The following CAMKK2 variants were observed in gnomAD, a reference collection of about 807,000 sequenced individuals.
CAMKK2 encodes the protein calcium/calmodulin-dependent protein kinase kinase 2.
In CAMKK2, 30 loss-of-function variants were observed where a neutral mutation model predicts 67.2. The ratio of observed to expected loss-of-function variants is 0.45; its 90% CI spans 0.33 to 0.61. CAMKK2 has a LOEUF of 0.61. CAMKK2 is among the 20% of genes least tolerant of loss of function. The probability of loss-of-function intolerance (pLI) is 0.02; values close to 1 mark genes in which losing one functional copy is unlikely to be tolerated. For synonymous variants in CAMKK2, 322 were observed against 326.2 expected, an observed-to-expected ratio of 0.99 and a Z score of 0.14; for missense variants, 643 against 802.0, an observed-to-expected ratio of 0.80 and a Z score of 2.39.
chr12:121,253,328 G>T lies in CAMKK2; in HGVS notation c.1052C>A (p.Pro351His). ...DALLSNTVGTPAFMAPESLSE... is the reference protein window; with the variant it reads ...DALLSNTVGTHAFMAPESLSE... ...GAGCGACTCGGGTGCCATGAAGGCG[G>T]GCGTGCCCACGGTGTTGGAGAGGAG... The change falls in exon 10 of 17, where the codon CCC (proline) becomes CAC (histidine). Residue 351 changes from proline to histidine, a missense_variant. By Grantham distance (77) the Pro-to-His change is moderately conservative (BLOSUM62 -2). This residue lies in a region of CAMKK2 where 483 missense variants were observed against 625.8 expected (regional missense o/e 0.77). Transcript: ENST00000404169. The surrounding 1 kb of genome is among the most constrained non-coding windows in gnomAD (Gnocchi z 5.0). The T allele has an allele frequency of 6.2e-7, 1 of 1,614,196 alleles. No individual in the cohort carries two copies. The highest frequency in any genetic ancestry group is 8.5e-7 in the Non-Finnish European group (1 of 1,180,046).
intron 5 of CAMKK2, among the ~76,000 whole-genome samples, chr12:121,267,340 C>T (rs1293327362): frequency 3.3e-5 from 5 of 151,540 alleles, no homozygotes; most frequent in Non-Finnish European, 7.4e-5. Context: ...TCTCAAACTC[C>T]TGACCTCGTG....
chr12:121,280,461 C>T (rs542871020), intron 1 of CAMKK2, among the ~76,000 whole-genome samples: 14 of 152,138 alleles, frequency 9.2e-5, no homozygotes, highest in Non-Finnish European at 1.5e-4. Context: ...ATCTGAGCAC[C>T]TTGAAAAAAG....
chr12:121,283,392 T>A (rs888207030), intron 1 of CAMKK2, among the ~76,000 whole-genome samples: 33 of 152,154 alleles, frequency 2.2e-4, no homozygotes, highest in African/African-American at 8.0e-4. Context: ...AGGCCCTCCC[T>A]TGTCAGATGG....
rs765683966 is a variant in CAMKK2, at chr12:121,245,473, C to T, written c.1453-233G>A. Among the ~76,000 whole-genome samples the T allele has an allele frequency of 1.3e-5, 2 of 152,214 alleles. No individual in the cohort carries two copies. Among genetic ancestry groups the T allele is most frequent in the Non-Finnish European group, 2.9e-5 (2 of 68,038 alleles). ...CACACCCTCAGCCACTGCTCAGCGT[C>T]TCTCCCAGGCCTCCCTGCTTTCCAC... On this transcript the variant is annotated intron_variant, in intron 14 of 16. Coordinates refer to ENST00000404169, the MANE Select transcript of CAMKK2 (RefSeq NM_001270485.2). This position sits in a 1 kb window ranked among gnomAD's most constrained non-coding sequence, Gnocchi z 5.8.
chr12:121,246,256 G>C (rs535529093), intron 14 of CAMKK2, among the ~76,000 whole-genome samples: 15 of 149,702 alleles, frequency 1.0e-4, no homozygotes, highest in South Asian at 4.4e-4. Context: ...GAAGGAGCGG[G>C]GGGGGGGAGG....
chr12:121,244,737 G>A (rs1482276369), intron 15 of CAMKK2, 122 bp from the exon 16 acceptor site: 3 of 796,498 alleles, frequency 3.8e-6, no homozygotes, highest in Non-Finnish European at 6.0e-6. Flanking sequence ...GCTGGAGCCA[G>A]GGTGGCGTTG....
At chr12:121,272,922 G>A (rs1283771377) in intron 2 of CAMKK2, among the ~76,000 whole-genome samples, 4 of 151,958 alleles carry the variant, frequency 2.6e-5, no homozygotes, top group Non-Finnish European at 5.9e-5. Flanking sequence ...CTGATGTTGG[G>A]TCTTCTTCCA....
rs34176100 is a variant in CAMKK2 at position 121,293,846 on chromosome 12, G to A, written c.-60+2792C>T. ...TTCTCCAGAACCCTCAGTGCCCTGT[G>A]CTCCTTCGATCACAACAGCACTCAT... On this transcript the variant is annotated intron_variant, in intron 1 of 16. Transcript: ENST00000404169. Among the ~76,000 whole-genome samples, 1,362 of 152,244 alleles carry A rather than the reference G, an allele frequency of 8.9e-3. 14 individuals carry two copies. Among genetic ancestry groups the A allele is most frequent in the Non-Finnish European group, 0.014 (946 of 68,034 alleles).
In CAMKK2 at chr12:121,274,256, G is replaced by A. The variant is rs200162363; in HGVS notation, c.271C>T (p.Arg91Trp). Residue 91 changes from arginine to tryptophan, a missense_variant, in exon 2 of 17, where the codon CGG (arginine) becomes TGG (tryptophan). Arg to Trp is a moderately radical substitution (Grantham distance 101). Transcript: ENST00000404169. The stretch of plus-strand genomic sequence containing the variant: ...AGCTTGCGACCGGAGAGGTGGGGCC[G>A]GGCCTGGGACCCGGAGGTGTCAAGG... ...VPLDTSGSQA[R>W]PHLSGRKLSL... 9.9e-6 allele frequency: 16 copies of A among 1,610,902 alleles called. No individual in the cohort carries two copies. Among genetic ancestry groups the A allele is most frequent in the East Asian group, 4.5e-5 (2 of 44,816 alleles).
chr12:121,267,986 T>C (rs554055993), intron 5 of CAMKK2, among the ~76,000 whole-genome samples: 6 of 150,834 alleles, frequency 4.0e-5, no homozygotes, highest in Non-Finnish European at 7.4e-5. Context: ...TGTGTTAGGC[T>C]TCTTTCACTT....
intron 1 of CAMKK2, among the ~76,000 whole-genome samples, chr12:121,276,984 G>A (rs1055416831): frequency 1.3e-5 from 2 of 152,000 alleles, no homozygotes; most frequent in East Asian, 1.9e-4. Context: ...TGGTATCTCC[G>A]ATGACATTGG....
chr12:121,255,601 C>T lies in CAMKK2; in HGVS notation c.856G>A (p.Glu286Lys), dbSNP rs748010012. The T allele has an allele frequency of 6.2e-7, 1 of 1,612,990 alleles. No individual in the cohort carries two copies. The highest frequency in any genetic ancestry group is 1.1e-5 in the South Asian group (1 of 90,928). The change falls in exon 9 of 17, where the codon GAA becomes AAA. Residue 286 changes from glutamate (E) to lysine (K), a missense_variant. This residue lies in a region of CAMKK2 where 483 missense variants were observed against 625.8 expected (regional missense o/e 0.77). Coordinates refer to ENST00000404169, the MANE Select transcript of CAMKK2 (RefSeq NM_001270485.2). ...TGGAAGTAGAAACGGGCCTGGTCTT[C>T]AGAGAGTGGTTTGAGGGTGGGCACT... Reference protein sequence around the residue: ...MEVPTLKPLSEDQARFYFQDL... With the variant: ...MEVPTLKPLSKDQARFYFQDL...
At chr12:121,246,017 G>GTGTA (rs964014776) in intron 14 of CAMKK2, among the ~76,000 whole-genome samples, 1 of 152,126 alleles carries the variant, frequency 6.6e-6, no homozygotes, top group African/African-American at 2.4e-5. Context: ...AGGCCTCAGA[G>GTGTA]TGTAGGATTC....
At position 121,282,137 on chromosome 12, in the gene CAMKK2, A is replaced by AC. The variant is rs900489732; in HGVS notation, c.-59-7553dup. ...GTGAGTAGATACTAAAGGAGCAGGA[A>AC]CTTGTTCCCAGCAGAGGAAACAGCT... is the stretch of plus-strand genomic sequence containing the variant. On this transcript the variant is annotated intron_variant, in intron 1 of 16. Coordinates refer to ENST00000404169, the MANE Select transcript of CAMKK2 (RefSeq NM_001270485.2). Among the ~76,000 whole-genome samples the AC allele has an allele frequency of 1.6e-4, 24 of 152,232 alleles. 1 individual carries two copies. Among genetic ancestry groups the AC allele is most frequent in the Admixed American group, 1.4e-3 (21 of 15,284 alleles).
chr12:121,245,078 G>A lies in CAMKK2; in HGVS notation c.1553+62C>T. The A allele has an allele frequency of 8.4e-7, 1 of 1,186,476 alleles. No individual in the cohort carries two copies. The highest frequency in any genetic ancestry group is 1.2e-6 in the Non-Finnish European group (1 of 815,358). 73.5% of individuals were successfully genotyped at this position (1,186,476 alleles called of 1,614,324 possible). A position where few individuals can be genotyped will look rare whatever the true frequency, so the allele number is the denominator to read the frequency against. Reference sequence around the variant, plus strand: ...ACCTGTGCAGAGTGGTCTGGGCAGGGCTGCCCCAAGCCTAGCCTCCAGCCA... The same window carrying A: ...ACCTGTGCAGAGTGGTCTGGGCAGGACTGCCCCAAGCCTAGCCTCCAGCCA... On this transcript the variant is annotated intron_variant, in intron 15 of 16. Transcript: ENST00000404169. The surrounding 1 kb of genome is among the most constrained non-coding windows in gnomAD (Gnocchi z 5.8).
At chr12:121,273,231 G>C (rs1896109510) in intron 2 of CAMKK2, among the ~76,000 whole-genome samples, 1 of 152,060 alleles carries the variant, frequency 6.6e-6, no homozygotes, top group African/African-American at 2.4e-5. Context: ...GTTGAGACTT[G>C]GACATTATCG....
In CAMKK2 at chr12:121,248,621, G is replaced by A. The variant is rs1214204013; in HGVS notation, c.1437C>T (p.Pro479=). Residue 479 remains proline (P), a synonymous_variant, in exon 14 of 17, where the codon CCC becomes CCT. Transcript: ENST00000404169. ...TCCACCTTACCACGGTTGCCAAGCTGGGAATGTGTTTGACTGAGTTCTCGA... is the reference window on the plus strand; with the variant it reads ...TCCACCTTACCACGGTTGCCAAGCTAGGAATGTGTTTGACTGAGTTCTCGA... ...EEVENSVKHI[P]SLATVILVKT... is the part of the protein sequence containing the mutation. 2 of 1,614,206 alleles carry A rather than the reference G, an allele frequency of 1.2e-6. No individual in the cohort carries two copies. Among genetic ancestry groups the A allele is most frequent in the East Asian group, 2.2e-5 (1 of 44,880 alleles).
Position 121,248,838 on chromosome 12 carries a change from C to T in CAMKK2, c.1324-104G>A, listed in dbSNP as rs913978079. On this transcript the variant is annotated intron_variant, in intron 13 of 16. Coordinates refer to ENST00000404169, the MANE Select transcript of CAMKK2 (RefSeq NM_001270485.2). ...GGCATGCAGGACGGAGAGGCAAGGG[C>T]CTGTGGTCAGGCATGCAAAACAGCT... 64 of 1,404,300 alleles carry T rather than the reference C, an allele frequency of 4.6e-5. No homozygotes were observed. The East Asian group carries it at 1.4e-3, about 30-fold the overall frequency. The allele number at this position is 1,404,300 out of a possible 1,614,324, so 87.0% of individuals were successfully genotyped here.
intron 9 of CAMKK2, among the ~76,000 whole-genome samples, chr12:121,255,243 T>C (rs11065510): frequency 1.1e-5 from 1 of 87,688 alleles, no homozygotes; most frequent in African/African-American, 4.3e-5. Context: ...ATTTTATATA[T>C]ATATAATTAT....
Sources: allele counts gnomAD v4.1 joint callset (sites outside exome capture counted in the v4.1 genomes callset), GRCh38; gene constraint gnomAD v4.1.1; regional missense constraint gnomAD v4.1.1; non-coding constraint Gnocchi (gnomAD v3.1); transcripts MANE v1.5; gene names NCBI Gene and HGNC (gene_info 2026-07-23, HGNC 2026-07-21).